The following ALMS1 variants were observed in gnomAD, a reference collection of about 807,000 sequenced individuals.
The protein encoded by ALMS1 is centrosome-associated protein ALMS1.
In ALMS1, 271 loss-of-function variants were observed where a neutral mutation model predicts 352.2. That is an observed-to-expected ratio of 0.77 (90% confidence interval 0.70 to 0.85). ALMS1 has a LOEUF of 0.85. ALMS1 is among the 40% of genes least tolerant of loss of function. ALMS1 has a pLI of 0.00. For synonymous variants in ALMS1, 1,865 were observed against 1,761.2 expected (o/e 1.06, Z -1.48); for missense variants, 5,445 against 4,870.7 (o/e 1.12, Z -3.51).
intron 14 of ALMS1, 148 bp downstream of exon 14, chr2:73,557,502 A>G: frequency 9.5e-7 from 1 of 1,054,700 alleles, no homozygotes; most frequent in South Asian, 1.5e-5. Flanking sequence ...GAAATAGTTA[A>G]GGTATGTTTA....
At chr2:73,503,659 C>G (rs926228781) in intron 10 of ALMS1, among the ~76,000 whole-genome samples, 2 of 152,122 alleles carry the variant, frequency 1.3e-5, no homozygotes, top group Admixed American at 6.5e-5. Flanking sequence ...TTCTAGATCC[C>G]TGAGGAATCG....
At chr2:73,439,275 C>A (rs533863215) in intron 7 of ALMS1, among the ~76,000 whole-genome samples, 5 of 151,946 alleles carry the variant, frequency 3.3e-5, no homozygotes, top group Non-Finnish European at 5.9e-5. Flanking sequence ...ACTAATATGC[C>A]CAGCTAATCT....
At chr2:73,539,735 C>G (rs1327316542) in intron 12 of ALMS1, among the ~76,000 whole-genome samples, 1 of 152,112 alleles carries the variant, frequency 6.6e-6, no homozygotes, top group African/African-American at 2.4e-5. Flanking sequence ...AATGTACAAG[C>G]CTCAGTAGCC....
In ALMS1 at chr2:73,550,372, G is replaced by A. The variant is rs911327643; in HGVS notation, c.10013G>A (p.Ser3338Asn). Residue 3338 changes from serine to asparagine, a missense_variant, in exon 13 of 23, where the codon AGT becomes AAT. By Grantham distance (46) the Ser-to-Asn change is conservative. Transcript: ENST00000613296. ...VNIKHKEGIY[S>N]KRVVTKASLP... ...ATTAAACATAAAGAAGGAATCTACA[G>A]TAAGAGGGTAGTGACTAAGGCATCC... is the stretch of plus-strand genomic sequence containing the variant. 1 of 1,614,218 alleles carries A rather than the reference G, an allele frequency of 6.2e-7. No individual in the cohort carries two copies.
intron 1 of ALMS1, among the ~76,000 whole-genome samples, chr2:73,407,140 A>AG (rs1308808777): frequency 1.3e-5 from 2 of 152,212 alleles, no homozygotes; most frequent in Admixed American, 6.5e-5. Context: ...GGGACTCTGC[A>AG]GAATCCTGAG....
At chr2:73,513,143 G>T (rs1673486456) in intron 10 of ALMS1, among the ~76,000 whole-genome samples, 1 of 151,996 alleles carries the variant, frequency 6.6e-6, no homozygotes, top group Admixed American at 6.6e-5. Context: ...GCTCCACTTG[G>T]ATTCAAACAC....
At chr2:73,585,853 G>C (rs1285080067) in intron 16 of ALMS1, among the ~76,000 whole-genome samples, 2 of 149,974 alleles carry the variant, frequency 1.3e-5, no homozygotes, top group Non-Finnish European at 3.0e-5. Context: ...CTCAGCCTCT[G>C]GAGTAGCCGG....
At chr2:73,544,192 AATG>A (rs1192032739) in intron 12 of ALMS1, among the ~76,000 whole-genome samples, 2 of 152,236 alleles carry the variant, frequency 1.3e-5, no homozygotes, top group African/African-American at 4.8e-5. Flanking sequence ...AGCCATAAAA[AATG>A]ATGAGTTCAT....
Position 73,461,655 on chromosome 2 carries a change from T to C in ALMS1, c.7674+6360T>C, listed in dbSNP as rs1264694222. 3.3e-5 allele frequency among the ~76,000 whole-genome samples: 5 copies of C among 152,238 alleles called. No individual in the cohort carries two copies. In the East Asian group the frequency reaches 9.6e-4, roughly 29 times the overall value. On this transcript the variant is annotated intron_variant, in intron 9 of 22. Transcript: ENST00000613296. Reference sequence around the variant, plus strand: ...AGAAGGCTTCAGATGATCAAACTACTCCGAGCTACAGGAGGAAATTCAAAC... The same window carrying C: ...AGAAGGCTTCAGATGATCAAACTACCCCGAGCTACAGGAGGAAATTCAAAC...
chr2:73,435,311 C>T (rs530920942), intron 7 of ALMS1, among the ~76,000 whole-genome samples: 1 of 151,920 alleles, frequency 6.6e-6, no homozygotes, highest in African/African-American at 2.4e-5. Flanking sequence ...GTCTTGTGTC[C>T]TTTTTCTGTT....
intron 12 of ALMS1, among the ~76,000 whole-genome samples, chr2:73,549,331 A>T (rs781596143): frequency 6.6e-6 from 1 of 151,818 alleles, no homozygotes; most frequent in African/African-American, 2.4e-5. Flanking sequence ...TGTCTTTTGT[A>T]TTGTCAGATT....
intron 11 of ALMS1, among the ~76,000 whole-genome samples, chr2:73,522,290 C>T (rs1215986314): frequency 6.6e-6 from 1 of 152,154 alleles, no homozygotes; most frequent in African/African-American, 2.4e-5. Context: ...TCAGCCATTG[C>T]TATCAAGCTT....
chr2:73,534,928 A>G lies in ALMS1; in HGVS notation c.9886A>G (p.Thr3296Ala), dbSNP rs58806616. The change falls in exon 12 of 23, where the codon ACC (threonine) becomes GCC (alanine). Residue 3296 changes from threonine to alanine, a missense_variant. By Grantham distance (58) the Thr-to-Ala change is moderately conservative. Coordinates refer to ENST00000613296, the MANE Select transcript of ALMS1 (RefSeq NM_001378454.1). Reference protein sequence around the residue: ...PPSPDSKSDTTVESSHSGSND... With the variant: ...PPSPDSKSDTAVESSHSGSND... ...ATCTCCGGATTCCAAATCAGATACC[A>G]CCGTTGAAAGCTCCCATTCAGGTAT... 779 of 1,613,806 alleles carry G rather than the reference A, an allele frequency of 4.8e-4. 6 individuals are homozygous for G. In the African/African-American group the frequency reaches 9.7e-3, roughly 20 times the overall value.
At chr2:73,418,662 G>A (rs900475416) in intron 2 of ALMS1, among the ~76,000 whole-genome samples, 1 of 152,150 alleles carries the variant, frequency 6.6e-6, no homozygotes, top group Non-Finnish European at 1.5e-5. Context: ...GTTCCTTTTT[G>A]TAGTAAAATG....
chr2:73,540,378 A>G (rs1674145573), intron 12 of ALMS1, among the ~76,000 whole-genome samples: 1 of 152,232 alleles, frequency 6.6e-6, no homozygotes, highest in South Asian at 2.1e-4. Flanking sequence ...AGCACGAAAC[A>G]TGGAAAGGAA....
chr2:73,533,341 A>G (rs1157402762), intron 11 of ALMS1, among the ~76,000 whole-genome samples: 1 of 152,198 alleles, frequency 6.6e-6, no homozygotes, highest in Non-Finnish European at 1.5e-5. Context: ...ATGCTATTTT[A>G]TCACAGAAAC....
chr2:73,491,487 A>G lies in ALMS1; in HGVS notation c.9528A>G (p.Val3176=), dbSNP rs1374763002. The change falls in exon 10 of 23, where the codon GTA becomes GTG. Residue 3176 remains valine, a synonymous_variant. Coordinates refer to ENST00000613296, the MANE Select transcript of ALMS1 (RefSeq NM_001378454.1). The part of the protein sequence containing the change: ...EGHSNPEGTP[V]FADRLPEKMK... ...ATTCCAATCCAGAGGGGACCCCAGTATTTGCAGATCGGTGAGTCTCATTGT... is the reference window on the plus strand; with the variant it reads ...ATTCCAATCCAGAGGGGACCCCAGTGTTTGCAGATCGGTGAGTCTCATTGT... 1.2e-6 allele frequency: 2 copies of G among 1,614,002 alleles called. No homozygotes were observed. Among genetic ancestry groups the G allele is most frequent in the Non-Finnish European group, 1.7e-6 (2 of 1,179,992 alleles).
intron 1 of ALMS1, among the ~76,000 whole-genome samples, chr2:73,406,353 T>C (rs1236920722): frequency 6.6e-6 from 1 of 152,088 alleles, no homozygotes; most frequent in Non-Finnish European, 1.5e-5. Context: ...TTTGAATCTT[T>C]TTACTTAGAG....
intron 16 of ALMS1, among the ~76,000 whole-genome samples, chr2:73,581,700 T>C (rs1182814202): frequency 6.6e-6 from 1 of 152,110 alleles, no homozygotes; most frequent in African/African-American, 2.4e-5. Flanking sequence ...CCAGGTGGAG[T>C]TGTGTGTCCC....
Sources: allele counts gnomAD v4.1 joint callset (sites outside exome capture counted in the v4.1 genomes callset), GRCh38; gene constraint gnomAD v4.1.1; transcripts MANE v1.5; gene names NCBI Gene and HGNC (gene_info 2026-07-23, HGNC 2026-07-21).